The following PTPRC variants were observed in gnomAD, a reference collection of about 807,000 sequenced individuals.
PTPRC encodes the protein receptor-type tyrosine-protein phosphatase C.
PTPRC carries 44 observed loss-of-function variants against 155.9 expected under a neutral mutation model. The observed-to-expected ratio is 0.28, with a 90% CI of 0.22 to 0.36. The LOEUF (loss-of-function observed/expected upper bound fraction) is 0.36. Ranked by LOEUF, PTPRC falls within the 10% of genes least tolerant of loss-of-function variation. PTPRC has a pLI of 1.00. For missense variants in PTPRC, 1,401 were observed against 1,564.6 expected (o/e 0.90, Z 1.76); for synonymous variants, 525 against 533.1 (o/e 0.98, Z 0.21).
At chr1:198,686,158 A>C (rs1236315713) in intron 2 of PTPRC, among the ~76,000 whole-genome samples, 1 of 152,164 alleles carries the variant, frequency 6.6e-6, no homozygotes, top group African/African-American at 2.4e-5. Flanking sequence ...AGGTAAATTC[A>C]GTAACAATAC....
chr1:198,716,120 C>T (rs1653574446), intron 12 of PTPRC, among the ~76,000 whole-genome samples: 1 of 152,136 alleles, frequency 6.6e-6, no homozygotes, highest in Admixed American at 6.5e-5. Flanking sequence ...ACTTACCTTT[C>T]AATGAACAGC....
intron 2 of PTPRC, among the ~76,000 whole-genome samples, chr1:198,662,009 A>G (rs1663995653): frequency 6.6e-6 from 1 of 152,138 alleles, no homozygotes; most frequent in Non-Finnish European, 1.5e-5. Context: ...TTGAATCAAC[A>G]AAGACTTGTC....
At chr1:198,683,815 A>G (rs991800765) in intron 2 of PTPRC, among the ~76,000 whole-genome samples, 1 of 152,128 alleles carries the variant, frequency 6.6e-6, no homozygotes, top group Admixed American at 6.5e-5. Context: ...ATAACTGATA[A>G]CAAGCCAGAA....
At chr1:198,750,113 T>C (rs998953580) in intron 28 of PTPRC, among the ~76,000 whole-genome samples, 1 of 151,882 alleles carries the variant, frequency 6.6e-6, no homozygotes, top group Non-Finnish European at 1.5e-5. Context: ...AATTAGGAAA[T>C]ATAATAAGAA....
intron 2 of PTPRC, among the ~76,000 whole-genome samples, chr1:198,665,082 T>C (rs968656698): frequency 0.41 from 32,179 of 77,686 alleles, 7,448 homozygotes; most frequent in East Asian, 0.65. Context: ...CCGGCAGCAT[T>C]TTTTTTTTTT....
chr1:198,718,412 A>T (rs978751499), intron 14 of PTPRC, 110 bp downstream of exon 14: 1 of 940,260 alleles, frequency 1.1e-6, no homozygotes, highest in Non-Finnish European at 1.7e-6. Context: ...AGAAGCTCTG[A>T]TGTGTAATGG....
chr1:198,690,911 T>A (rs1665887876), intron 2 of PTPRC, among the ~76,000 whole-genome samples: 1 of 152,130 alleles, frequency 6.6e-6, no homozygotes, highest in South Asian at 2.1e-4. Context: ...CTTTTCAACA[T>A]TTCCACAAAC....
At chr1:198,723,670 C>G (rs1006786465) in intron 15 of PTPRC, among the ~76,000 whole-genome samples, 20 of 152,114 alleles carry the variant, frequency 1.3e-4, no homozygotes, top group Non-Finnish European at 1.9e-4. Flanking sequence ...CTTAATAGGC[C>G]AGATCTGAAA....
intron 23 of PTPRC, among the ~76,000 whole-genome samples, chr1:198,737,776 G>C (rs1654716970): frequency 6.6e-6 from 1 of 151,572 alleles, no homozygotes; most frequent in South Asian, 2.1e-4. Context: ...ATAATACTGA[G>C]TCTTTCAATT....
chr1:198,734,569 A>T (rs1654539883), intron 22 of PTPRC, 144 bp downstream of exon 22: 8 of 770,806 alleles, frequency 1.0e-5, no homozygotes, highest in Non-Finnish European at 1.8e-5. Flanking sequence ...TTAATTTAAA[A>T]TTTTCATACA....
intron 26 of PTPRC, 136 bp downstream of exon 26, chr1:198,744,339 A>C (rs1339223589): frequency 1.2e-6 from 1 of 851,698 alleles, no homozygotes; most frequent in African/African-American, 1.7e-5. Flanking sequence ...ACAGATGAGA[A>C]AACTAGGACA....
At chr1:198,696,634 T>G in intron 3 of PTPRC, 78 bp from the exon 4 acceptor site, 1 of 1,202,908 alleles carries the variant, frequency 8.3e-7, no homozygotes, top group Non-Finnish European at 1.2e-6. Context: ...GGGGAGTTAG[T>G]ATACTGGGAG....
At chr1:198,690,226 C>T (rs1482453030) in intron 2 of PTPRC, among the ~76,000 whole-genome samples, 7 of 152,078 alleles carry the variant, frequency 4.6e-5, no homozygotes. Context: ...GGACACTTTT[C>T]CTTTCACTTC....
At chr1:198,747,254 G>GAA (rs67022392) in intron 26 of PTPRC, among the ~76,000 whole-genome samples, 3 of 135,092 alleles carry the variant, frequency 2.2e-5, no homozygotes, top group African/African-American at 5.6e-5. Context: ...GTTCAAGCAA[G>GAA]AAAAAAAAAA....
chr1:198,716,611 C>T (rs958659427), intron 12 of PTPRC, 71 bp from the exon 13 acceptor site: 1 of 1,374,414 alleles, frequency 7.3e-7, no homozygotes, highest in South Asian at 1.2e-5. Flanking sequence ...GATGTAGAGA[C>T]CAAATTAATT....
intron 7 of PTPRC, 87 bp downstream of exon 7, chr1:198,703,459 G>A (rs763145226): frequency 3.0e-5 from 48 of 1,599,470 alleles, no homozygotes; most frequent in Middle Eastern, 1.7e-4. Flanking sequence ...ACTCTACCTC[G>A]GGCTCCTTTC....
chr1:198,658,300 G>T (rs577006212), intron 2 of PTPRC, among the ~76,000 whole-genome samples: 30 of 152,206 alleles, frequency 2.0e-4, no homozygotes, highest in African/African-American at 7.2e-4. Flanking sequence ...GAATATTTTA[G>T]CATGTTTTGT....
intron 9 of PTPRC, 83 bp from the exon 10 acceptor site, chr1:198,708,050 A>C: frequency 7.5e-7 from 1 of 1,331,742 alleles, no homozygotes; most frequent in Non-Finnish European, 1.1e-6. Context: ...CAGTGGCTTT[A>C]ACTGACATGT....
chr1:198,743,067 C>CAAAAAAAAAAAAAAAAAAAAAGA (rs1654981363), intron 25 of PTPRC, among the ~76,000 whole-genome samples: 1 of 75,950 alleles, frequency 1.3e-5, no homozygotes, highest in Non-Finnish European at 2.5e-5. Flanking sequence ...GTCAAAATAG[C>CAAAAAAAAAAAAAAAAAAAAAGA]AAAAAAAAAA....
Sources: gnomAD v4.1 joint callset for allele counts (sites outside exome capture counted in the v4.1 genomes callset) on GRCh38, gnomAD v4.1.1 for gene constraint, MANE v1.5 for transcripts, NCBI Gene and HGNC (gene_info 2026-07-23, HGNC 2026-07-21) for gene names.